The following DGLUCY variants were observed in gnomAD, a reference collection of about 807,000 sequenced individuals.
The protein encoded by DGLUCY is D-glutamate cyclase.
A neutral mutation model predicts 58.5 loss-of-function variants in DGLUCY; 58 were observed. That is an observed-to-expected ratio of 0.99 (90% confidence interval 0.80 to 1.23). The LOEUF is 1.23. DGLUCY is among the 50% of genes most tolerant of loss of function. The pLI is 0.00. For missense variants in DGLUCY, 779 were observed against 784.7 expected, an observed-to-expected ratio of 0.99 and a Z score of 0.09; for synonymous variants, 325 against 314.1, an observed-to-expected ratio of 1.03 and a Z score of -0.37.
intron 4 of DGLUCY, chr14:91,167,870 C>CCT: frequency 1.7e-6 from 1 of 597,320 alleles, no homozygotes; most frequent in African/African-American, 1.9e-5. Context: ...TCTTCCCTGG[C>CCT]CTAGCCCTAG....
intron 3 of DGLUCY, among the ~76,000 whole-genome samples, chr14:91,160,717 C>T (rs934642178): frequency 2.6e-5 from 4 of 152,204 alleles, no homozygotes; most frequent in Admixed American, 2.6e-4. Context: ...GAAAAGTGCC[C>T]CCAGGTTACA....
At chr14:91,207,207 T>C (rs926865752) in intron 12 of DGLUCY, among the ~76,000 whole-genome samples, 1 of 135,920 alleles carries the variant, frequency 7.4e-6, no homozygotes, top group Admixed American at 7.5e-5. Context: ...AATAACTCTG[T>C]AACAGAAATG....
intron 8 of DGLUCY, among the ~76,000 whole-genome samples, chr14:91,182,457 TTTA>T (rs922224725): frequency 1.3e-5 from 2 of 152,062 alleles, no homozygotes; most frequent in South Asian, 2.1e-4. Flanking sequence ...ATTTATGTAG[TTTA>T]TTATTATTAT....
intron 11 of DGLUCY, among the ~76,000 whole-genome samples, chr14:91,202,006 G>A (rs1395673855): frequency 1.3e-5 from 2 of 151,386 alleles, no homozygotes; most frequent in African/African-American, 4.8e-5. Context: ...AGTGAGCCAA[G>A]ATCGCGCCAC....
At chr14:91,186,782 C>T (rs1157803844) in intron 8 of DGLUCY, among the ~76,000 whole-genome samples, 1 of 152,158 alleles carries the variant, frequency 6.6e-6, no homozygotes, top group Non-Finnish European at 1.5e-5. Context: ...CCAGTGTCCA[C>T]TCCTCCCAGC....
intron 1 of DGLUCY, among the ~76,000 whole-genome samples, chr14:91,120,116 C>T (rs544186219): frequency 3.4e-4 from 51 of 152,100 alleles, no homozygotes; most frequent in Non-Finnish European, 6.6e-4. Flanking sequence ...ATAAACTCCT[C>T]GTCATGTTAG....
intron 1 of DGLUCY, among the ~76,000 whole-genome samples, chr14:91,092,117 T>A (rs1021416016): frequency 6.6e-6 from 1 of 152,224 alleles, no homozygotes; most frequent in Non-Finnish European, 1.5e-5. Flanking sequence ...AGACTCTTCC[T>A]TGGAGCCTTT....
intron 1 of DGLUCY, among the ~76,000 whole-genome samples, chr14:91,086,635 G>A (rs557166718): frequency 2.0e-5 from 3 of 152,134 alleles, no homozygotes; most frequent in Admixed American, 6.5e-5. Context: ...AATCCACAGA[G>A]GTGGAACCCA....
intron 1 of DGLUCY, among the ~76,000 whole-genome samples, chr14:91,108,377 G>C (rs1164506473): frequency 6.6e-6 from 1 of 151,966 alleles, no homozygotes; most frequent in African/African-American, 2.4e-5. Flanking sequence ...TTTCACCCTA[G>C]TTTCTGCCCT....
intron 1 of DGLUCY, among the ~76,000 whole-genome samples, chr14:91,138,896 A>T (rs2046491674): frequency 1.3e-5 from 2 of 152,294 alleles, no homozygotes; most frequent in African/African-American, 4.8e-5. Context: ...CATGAGCTCA[A>T]TCAAAAGTCA....
intron 1 of DGLUCY, among the ~76,000 whole-genome samples, chr14:91,127,530 G>A (rs1483184841): frequency 2.0e-5 from 3 of 152,256 alleles, no homozygotes; most frequent in African/African-American, 7.2e-5. Context: ...CACTGGGCCT[G>A]GGCCAGAGGG....
chr14:91,180,555 C>T lies in DGLUCY; in HGVS notation c.731-631C>T, dbSNP rs183092122. 2.1e-4 allele frequency among the ~76,000 whole-genome samples: 28 copies of T among 136,496 alleles called. 1 individual carries two copies. Among genetic ancestry groups the T allele is most frequent in the Non-Finnish European group, 3.4e-4 (22 of 64,462 alleles). The allele number at this position is 136,496 out of a possible 152,430, so 89.5% of individuals were successfully genotyped here. On this transcript the variant is annotated intron_variant, in intron 7 of 13. Transcript: ENST00000256324. ...CCACTGCACTCCAGCCTGGGTGACA[C>T]AACAAGACTCCATCTCAAAAAAAAA...
At chr14:91,201,258 CAG>C (rs1166520519) in intron 11 of DGLUCY, among the ~76,000 whole-genome samples, 3 of 151,500 alleles carry the variant, frequency 2.0e-5, no homozygotes, top group Non-Finnish European at 4.4e-5. Context: ...GTGCAGGTCA[CAG>C]GGGATATGAT....
At chr14:91,193,930 T>C (rs1054971632) in intron 9 of DGLUCY, among the ~76,000 whole-genome samples, 8 of 152,128 alleles carry the variant, frequency 5.3e-5, no homozygotes, top group Admixed American at 5.2e-4. Flanking sequence ...CATAGCTCTT[T>C]CTTCATAGCT....
At chr14:91,112,141 C>T (rs2401975), upstream of DGLUCY, among the ~76,000 whole-genome samples, 1,073 of 151,112 alleles carry the variant, frequency 7.1e-3, 58 homozygotes, top group Admixed American at 0.066. Context: ...CTCAGCTACT[C>T]GGGAGGCTGA....
chr14:91,116,953 AAAG>A (rs1388689414), intron 1 of DGLUCY, among the ~76,000 whole-genome samples: 3 of 150,922 alleles, frequency 2.0e-5, no homozygotes, highest in Non-Finnish European at 4.4e-5. Context: ...AAAAAAAAAA[AAAG>A]AACGGCTACT....
rs185853084 is a variant in DGLUCY, at chr14:91,204,480, G to C, written c.1445-226G>C. 2.2e-4 allele frequency among the ~76,000 whole-genome samples: 34 copies of C among 152,292 alleles called. 1 individual carries two copies. The East Asian group carries it at 6.4e-3, about 29-fold the overall frequency. ...TGCTGGAGAATGTGACCCAAAAGGA[G>C]ACATGCCCACACTGTAGTGTGTTCC... On this transcript the variant is annotated intron_variant, in intron 11 of 13. Transcript: ENST00000256324.
rs142754307 is a variant in DGLUCY at position 91,209,534 on chromosome 14, C to T, written c.1564+4709C>T. Reference sequence around the variant, plus strand: ...ACCATCCTGGCTAACACAGTGAAACCCCGTCTCTACTAAAAATCAAAAAAT... The same window carrying T: ...ACCATCCTGGCTAACACAGTGAAACTCCGTCTCTACTAAAAATCAAAAAAT... On this transcript the variant is annotated intron_variant, in intron 12 of 13. Transcript: ENST00000256324. 1.1e-4 allele frequency among the ~76,000 whole-genome samples: 17 copies of T among 152,116 alleles called. No individual in the cohort carries two copies. In the East Asian group the frequency reaches 3.3e-3, roughly 29 times the overall value.
At chr14:91,181,038 T>C in intron 7 of DGLUCY, 148 bp from the exon 8 acceptor site, 1 of 652,408 alleles carries the variant, frequency 1.5e-6, no homozygotes. Flanking sequence ...ACCAGCTTAT[T>C]CTGACCTTGG....
Sources: allele counts gnomAD v4.1 joint callset (sites outside exome capture counted in the v4.1 genomes callset), GRCh38; gene constraint gnomAD v4.1.1; transcripts MANE v1.5; gene names NCBI Gene and HGNC (gene_info 2026-07-23, HGNC 2026-07-21).